WDR12: variants seen among roughly 807,000 people sequenced by gnomAD.
WDR12 encodes the protein ribosome biogenesis protein WDR12.
In WDR12, 42 loss-of-function variants were observed where a neutral mutation model predicts 64.3. The observed-to-expected ratio is 0.65, with a 90% CI of 0.51 to 0.84. WDR12 has a LOEUF of 0.84. Ranked by LOEUF, WDR12 falls within the 40% of genes least tolerant of loss-of-function variation. The pLI is 0.00. For synonymous variants in WDR12, 158 were observed against 173.3 expected (o/e 0.91, Z 0.70); for missense variants, 469 against 494.6 (o/e 0.95, Z 0.49).
rs747408426 is a variant in WDR12, at chr2:202,901,135, A to G, written c.137-16T>C. 1.3e-6 allele frequency: 2 copies of G among 1,577,612 alleles called. No homozygotes were observed. Among genetic ancestry groups the G allele is most frequent in the Non-Finnish European group, 1.7e-6 (2 of 1,153,200 alleles). The stretch of plus-strand genomic sequence containing the variant: ...TTGTGGAACTCTGAGGAAAATACAT[A>G]ACAAAATTATCACTCTTAGTGTCTA... On this transcript the variant is annotated splice_polypyrimidine_tract_variant and intron_variant, in intron 2 of 12. Coordinates refer to ENST00000261015, the MANE Select transcript of WDR12 (RefSeq NM_018256.4).
At chr2:202,899,870 A>C (rs1193359697) in intron 3 of WDR12, among the ~76,000 whole-genome samples, 1 of 152,208 alleles carries the variant, frequency 6.6e-6, no homozygotes, top group Non-Finnish European at 1.5e-5. Flanking sequence ...CTGTAGTCCC[A>C]GCTATTAACA....
chr2:202,900,290 T>C (rs1384701469), intron 3 of WDR12, among the ~76,000 whole-genome samples: 1 of 149,720 alleles, frequency 6.7e-6, no homozygotes, highest in Non-Finnish European at 1.5e-5. Context: ...GACTGTGCCA[T>C]TGCACTCCAG....
At chr2:202,887,844 C>T (rs1431480981) in intron 8 of WDR12, among the ~76,000 whole-genome samples, 12 of 146,406 alleles carry the variant, frequency 8.2e-5, no homozygotes, top group East Asian at 2.0e-4. Flanking sequence ...GCCGAGATTG[C>T]GCCACTGCAG....
chr2:202,902,474 G>T (rs2105910803), intron 2 of WDR12, among the ~76,000 whole-genome samples: 2 of 152,286 alleles, frequency 1.3e-5, no homozygotes, highest in South Asian at 4.1e-4. Flanking sequence ...CCCTCTATCT[G>T]GGTAGGTACC....
At chr2:202,886,477 CAAAA>C (rs1688051244) in intron 8 of WDR12, among the ~76,000 whole-genome samples, 1 of 140,496 alleles carries the variant, frequency 7.1e-6, no homozygotes, top group African/African-American at 2.8e-5. Flanking sequence ...AACAAACAAA[CAAAA>C]AAACTAGCTG....
Position 202,878,216 on chromosome 2 carries a change from A to C in WDR12, c.*2644T>G, listed in dbSNP as rs1390775989. 1 of 152,188 alleles carries C rather than the reference A, an allele frequency of 6.6e-6. No homozygotes were observed. The highest frequency in any genetic ancestry group is 1.5e-5 in the Non-Finnish European group (1 of 68,038). The allele number at this position is 152,188 out of a possible 1,614,324, so 9.4% of individuals were successfully genotyped here. A position where few individuals can be genotyped will look rare whatever the true frequency, so the allele number is the denominator to read the frequency against. ...ATGCCATTTTATTCTTTGTCTATGC[A>C]TCTGATATATAGGCTTCTTTATCTT... On this transcript the variant is annotated 3_prime_UTR_variant, in exon 13 of 13. Transcript: ENST00000261015.
Position 202,882,986 on chromosome 2 carries a change from AT to A in WDR12, c.1122-204del, listed in dbSNP as rs1574401444. 11 of 470,628 alleles carry A rather than the reference AT, an allele frequency of 2.3e-5. No individual in the cohort carries two copies. The East Asian group carries it at 3.9e-4, about 17-fold the overall frequency. The allele number at this position is 470,628 out of a possible 1,614,324, so 29.2% of individuals were successfully genotyped here. On this transcript the variant is annotated intron_variant, in intron 11 of 12. Transcript: ENST00000261015. ...AGACCACAGACATTTATTATAACAA[AT>A]ATATTCAGAAAAAAATGTTATTTCA...
Position 202,874,617 on chromosome 2 carries a change from C to A in WDR12, c.*6243G>T, listed in dbSNP as rs1333641279. Among the ~76,000 whole-genome samples the A allele has an allele frequency of 6.6e-6, 1 of 152,186 alleles. No homozygotes were observed. Among genetic ancestry groups the A allele is most frequent in the Non-Finnish European group, 1.5e-5 (1 of 68,024 alleles). ...TAGAGGTCTATTGAATCTGACATCACACAAAAAGCTCTATTTCTTCAAGGC... is the reference window on the plus strand; with the variant it reads ...TAGAGGTCTATTGAATCTGACATCAAACAAAAAGCTCTATTTCTTCAAGGC... On this transcript the variant is annotated 3_prime_UTR_variant, in exon 13 of 13. Coordinates refer to ENST00000261015, the MANE Select transcript of WDR12 (RefSeq NM_018256.4).
chr2:202,902,287 C>G (rs1374951746), intron 2 of WDR12, among the ~76,000 whole-genome samples: 2 of 152,066 alleles, frequency 1.3e-5, no homozygotes, highest in Admixed American at 1.3e-4. Flanking sequence ...AAGATTTATC[C>G]CAGGGATGCA....
intron 8 of WDR12, among the ~76,000 whole-genome samples, chr2:202,888,060 G>A (rs1459995710): frequency 2.6e-5 from 4 of 152,108 alleles, no homozygotes; most frequent in Non-Finnish European, 5.9e-5. Context: ...TGCCAAACTG[G>A]AAACAATCAA....
chr2:202,892,042 A>G (rs1688165495), intron 8 of WDR12, among the ~76,000 whole-genome samples: 1 of 152,246 alleles, frequency 6.6e-6, no homozygotes. Context: ...TAATCATTAC[A>G]CAATGTTTAT....
chr2:202,895,689 A>AT (rs56005993), intron 6 of WDR12, among the ~76,000 whole-genome samples: 99 of 119,220 alleles, frequency 8.3e-4, no homozygotes, highest in Admixed American at 1.0e-3. Context: ...TGCCCGGCTT[A>AT]TTTTTTTTTT....
At chr2:202,909,790 T>A (rs978859685) in intron 1 of WDR12, among the ~76,000 whole-genome samples, 3 of 150,752 alleles carry the variant, frequency 2.0e-5, no homozygotes, top group African/African-American at 7.4e-5. Context: ...TTATTATTTA[T>A]TTATTTATTT....
chr2:202,908,525 CAG>C (rs1342623851), intron 1 of WDR12, among the ~76,000 whole-genome samples: 1 of 152,170 alleles, frequency 6.6e-6, no homozygotes, highest in African/African-American at 2.4e-5. Flanking sequence ...TGGACGAAAC[CAG>C]AGAGAACATC....
At chr2:202,905,432 C>T (rs966647437) in intron 2 of WDR12, among the ~76,000 whole-genome samples, 20 of 152,220 alleles carry the variant, frequency 1.3e-4, no homozygotes, top group Non-Finnish European at 2.4e-4. Context: ...CGTGGGCCAC[C>T]ACGCCAGGCC....
chr2:202,895,079 A>T (rs1688214902), intron 6 of WDR12, among the ~76,000 whole-genome samples: 1 of 152,234 alleles, frequency 6.6e-6, no homozygotes, highest in African/African-American at 2.4e-5. Context: ...TTAATCCACT[A>T]AAGTTTGGAC....
chr2:202,883,057 G>A (rs1266097485), intron 11 of WDR12, among the ~76,000 whole-genome samples: 2 of 151,946 alleles, frequency 1.3e-5, no homozygotes, highest in African/African-American at 2.4e-5. Flanking sequence ...ACACTTCCTT[G>A]ACTACTTTAA....
chr2:202,885,381 A>G (rs1324834190), intron 8 of WDR12, among the ~76,000 whole-genome samples: 1 of 152,148 alleles, frequency 6.6e-6, no homozygotes, highest in African/African-American at 2.4e-5. Flanking sequence ...GGTGGGTGAA[A>G]GTATTCACAC....
chr2:202,910,576 T>G (rs1383717952), intron 1 of WDR12, among the ~76,000 whole-genome samples: 1 of 152,164 alleles, frequency 6.6e-6, no homozygotes, highest in Non-Finnish European at 1.5e-5. Context: ...TCAAAAAATT[T>G]TATTTTAAGA....
Sources: gnomAD v4.1 joint callset for allele counts (sites outside exome capture counted in the v4.1 genomes callset) on GRCh38, gnomAD v4.1.1 for gene constraint, MANE v1.5 for transcripts, NCBI Gene and HGNC (gene_info 2026-07-23, HGNC 2026-07-21) for gene names.